PSPC1: variants seen among roughly 807,000 people sequenced by gnomAD.
PSPC1 encodes the protein paraspeckle protein 1.
PSPC1 carries 14 observed loss-of-function variants against 51.6 expected under a neutral mutation model. The ratio of observed to expected loss-of-function variants is 0.27; its 90% CI spans 0.18 to 0.42. PSPC1 has a LOEUF of 0.42. Ranked by LOEUF, PSPC1 falls within the 10% of genes least tolerant of loss-of-function variation. PSPC1 has a pLI of 1.00. For synonymous variants in PSPC1, 193 were observed against 231.9 expected (o/e 0.83, Z 1.53); for missense variants, 406 against 701.1 (o/e 0.58, Z 4.75).
At chr13:19,722,526 G>A (rs1882890604) in intron 6 of PSPC1, among the ~76,000 whole-genome samples, 1 of 152,144 alleles carries the variant, frequency 6.6e-6, no homozygotes, top group South Asian at 2.1e-4. Flanking sequence ...AGGTGTAGTG[G>A]CTCACTCCTG....
At chr13:19,727,796 A>G (rs931687795) in intron 6 of PSPC1, among the ~76,000 whole-genome samples, 4 of 152,232 alleles carry the variant, frequency 2.6e-5, no homozygotes, top group African/African-American at 9.6e-5. Context: ...TAATGTGTCC[A>G]AAAATTGTGA....
intron 2 of PSPC1, among the ~76,000 whole-genome samples, chr13:19,772,027 A>G (rs1300454519): frequency 1.3e-5 from 2 of 152,240 alleles, no homozygotes; most frequent in Non-Finnish European, 2.9e-5. Context: ...AAATAATACA[A>G]AACACTGCAG....
intron 5 of PSPC1, 138 bp from the exon 6 acceptor site, chr13:19,730,482 A>G: frequency 1.4e-6 from 1 of 703,978 alleles, no homozygotes; most frequent in Non-Finnish European, 2.4e-6. Flanking sequence ...GGCATCCTAA[A>G]TTTACCTTCC....
intron 6 of PSPC1, among the ~76,000 whole-genome samples, chr13:19,714,548 T>C (rs993257729): frequency 6.8e-6 from 1 of 147,022 alleles, no homozygotes; most frequent in Non-Finnish European, 1.5e-5. Context: ...CAGGCTGGGG[T>C]GCAATGGCGT....
At chr13:19,709,344 A>T (rs1316022472) in intron 7 of PSPC1, among the ~76,000 whole-genome samples, 198 bp downstream of exon 7, 2 of 152,140 alleles carry the variant, frequency 1.3e-5, no homozygotes, top group Non-Finnish European at 2.9e-5. Context: ...AAACAAAAAC[A>T]AAATGAGAAT....
At chr13:19,773,031 G>A (rs1298041605) in intron 1 of PSPC1, among the ~76,000 whole-genome samples, 2 of 151,858 alleles carry the variant, frequency 1.3e-5, no homozygotes, top group South Asian at 2.1e-4. Flanking sequence ...GCGTGGTGGC[G>A]GGTGCCTTAA....
chr13:19,693,905 C>G (rs113170955), intron 6 of PSPC1, among the ~76,000 whole-genome samples: 1 of 151,980 alleles, frequency 6.6e-6, no homozygotes, highest in Non-Finnish European at 1.5e-5. Flanking sequence ...GGGCGGATCA[C>G]GAGGTCAGGA....
At chr13:19,763,066 T>C (rs1000580686) in intron 2 of PSPC1, among the ~76,000 whole-genome samples, 2 of 152,048 alleles carry the variant, frequency 1.3e-5, no homozygotes, top group African/African-American at 2.4e-5. Context: ...GACCGCGGCA[T>C]TGCACTCTAG....
intron 6 of PSPC1, among the ~76,000 whole-genome samples, chr13:19,710,008 G>C (rs1357737118): frequency 6.6e-6 from 1 of 152,184 alleles, no homozygotes; most frequent in Non-Finnish European, 1.5e-5. Context: ...CTGTTACCAA[G>C]TTCATGTTGA....
At chr13:19,711,844 C>CA (rs1469656993) in intron 6 of PSPC1, among the ~76,000 whole-genome samples, 2,755 of 127,244 alleles carry the variant, frequency 0.022, 46 homozygotes, top group African/African-American at 0.05. Flanking sequence ...AACTCTGTCT[C>CA]AAAAAAAAAA....
intron 3 of PSPC1, among the ~76,000 whole-genome samples, chr13:19,753,495 G>A (rs1429054164): frequency 8.5e-5 from 13 of 152,080 alleles, no homozygotes; most frequent in Non-Finnish European, 1.6e-4. Context: ...CTCCCAAAGT[G>A]CTGGGATTAC....
Position 19,777,484 on chromosome 13 carries a change from G to A in PSPC1, c.372+4902C>T, listed in dbSNP as rs147661707. 4.0e-5 allele frequency among the ~76,000 whole-genome samples: 6 copies of A among 150,446 alleles called. No individual in the cohort carries two copies. The East Asian group carries it at 1.2e-3, about 29-fold the overall frequency. On this transcript the variant is annotated intron_variant, in intron 1 of 8. Transcript: ENST00000338910. ...TTTACATAAAAATTTTCACCAAATG[G>A]CGAGCTGTCTCTGATGTCCAAAAAA...
rs566024204 is a variant in PSPC1 at position 19,733,314 on chromosome 13, T to C, written c.1053-2970A>G. Among the ~76,000 whole-genome samples the C allele has an allele frequency of 1.6e-4, 24 of 152,262 alleles. No homozygotes were observed. In the South Asian group the frequency reaches 1.9e-3, roughly 12 times the overall value. ...AAAAAGGGCAAGTAAAAGAATGGTATTGCTATTACTGCTTTTAAAAACCAT... is the reference window on the plus strand; with the variant it reads ...AAAAAGGGCAAGTAAAAGAATGGTACTGCTATTACTGCTTTTAAAAACCAT... On this transcript the variant is annotated intron_variant, in intron 5 of 8. Coordinates refer to ENST00000338910, the MANE Select transcript of PSPC1 (RefSeq NM_001354909.2).
chr13:19,745,172 G>A (rs1167191108), intron 4 of PSPC1, among the ~76,000 whole-genome samples: 1 of 152,022 alleles, frequency 6.6e-6, no homozygotes, highest in Non-Finnish European at 1.5e-5. Context: ...ACAAAAATAA[G>A]CCGGGCATGG....
At chr13:19,753,972 ATTAT>A (rs781722730) in intron 3 of PSPC1, among the ~76,000 whole-genome samples, 8 of 151,954 alleles carry the variant, frequency 5.3e-5, no homozygotes, top group Non-Finnish European at 1.0e-4. Context: ...ATATTTTTAA[ATTAT>A]TTATTTTCTT....
At chr13:19,718,036 T>C (rs1882332618) in intron 6 of PSPC1, among the ~76,000 whole-genome samples, 1 of 152,004 alleles carries the variant, frequency 6.6e-6, no homozygotes, top group African/African-American at 2.4e-5. Flanking sequence ...GAATGAGACC[T>C]CACTCCAAAA....
At position 19,741,659 on chromosome 13, in the gene PSPC1, A is replaced by G; in HGVS notation, c.968-10T>C. The G allele has an allele frequency of 1.3e-6, 2 of 1,537,706 alleles. No homozygotes were observed. Among genetic ancestry groups the G allele is most frequent in the South Asian group, 1.2e-5 (1 of 84,512 alleles). The stretch of plus-strand genomic sequence containing the variant: ...TGACGCCTCATTAGATCTATAAAAT[A>G]ATGACTGCACATTAATATTTTTAGT... On this transcript the variant is annotated splice_polypyrimidine_tract_variant and intron_variant, in intron 4 of 8. Coordinates refer to ENST00000338910, the MANE Select transcript of PSPC1 (RefSeq NM_001354909.2).
chr13:19,772,709 G>T (rs1888730563), intron 1 of PSPC1, among the ~76,000 whole-genome samples, 166 bp from the exon 2 acceptor site: 1 of 152,090 alleles, frequency 6.6e-6, no homozygotes, highest in Admixed American at 6.6e-5. Flanking sequence ...ACTATTCAAT[G>T]ATCATTTTAA....
chr13:19,762,091 C>A (rs1319919642), intron 2 of PSPC1, among the ~76,000 whole-genome samples: 2 of 152,180 alleles, frequency 1.3e-5, no homozygotes, highest in African/African-American at 4.8e-5. Context: ...GTAAACTTTT[C>A]ACATGTAAGT....
Sources: gnomAD v4.1 joint callset for allele counts (sites outside exome capture counted in the v4.1 genomes callset) on GRCh38, gnomAD v4.1.1 for gene constraint, MANE v1.5 for transcripts, NCBI Gene and HGNC (gene_info 2026-07-23, HGNC 2026-07-21) for gene names.